The following SPATS2L variants were observed in gnomAD, a reference collection of about 807,000 sequenced individuals.
SPATS2L encodes spermatogenesis associated serine rich 2 like, also known as SPATS2-like protein.
SPATS2L carries 30 observed loss-of-function variants against 59.6 expected under a neutral mutation model. The observed-to-expected ratio is 0.50, with a 90% CI of 0.38 to 0.68. The LOEUF is 0.68. Among genes scored for constraint, SPATS2L ranks in the 30% least tolerant of loss-of-function variants. The pLI is 0.00. For missense variants in SPATS2L, 615 were observed against 700.0 expected (o/e 0.88, Z 1.37); for synonymous variants, 252 against 263.5 (o/e 0.96, Z 0.42).
In SPATS2L at chr2:200,338,233, C is replaced by T. The variant is rs975048426; in HGVS notation, c.-23+8753C>T. Among the ~76,000 whole-genome samples, 3 of 152,102 alleles carry T rather than the reference C, an allele frequency of 2.0e-5. No individual in the cohort carries two copies. The East Asian group carries it at 5.8e-4, about 29-fold the overall frequency. ...AGAAATGGGATTTCACCATGTTGCC[C>T]AGGCTGGTATTGAACTCGTGGGCTC... On this transcript the variant is annotated intron_variant, in intron 2 of 12. Transcript: ENST00000409140.
chr2:200,451,194 A>G (rs1017320872), intron 8 of SPATS2L, among the ~76,000 whole-genome samples: 4 of 151,786 alleles, frequency 2.6e-5, no homozygotes, highest in Non-Finnish European at 5.9e-5. Flanking sequence ...GGTGGTGTAG[A>G]TCTCCAGTCC....
At chr2:200,368,658 C>T (rs559134438) in intron 2 of SPATS2L, among the ~76,000 whole-genome samples, 7 of 152,144 alleles carry the variant, frequency 4.6e-5, no homozygotes, top group Non-Finnish European at 7.4e-5. Context: ...TTTGTGCTAA[C>T]TAAGGAGCAG....
chr2:200,312,862 A>G (rs1020477269), intron 1 of SPATS2L, among the ~76,000 whole-genome samples: 1 of 152,242 alleles, frequency 6.6e-6, no homozygotes, highest in Non-Finnish European at 1.5e-5. Flanking sequence ...GTTGCAAAGT[A>G]CTAGTTCATT....
chr2:200,330,113 G>C (rs1194792597), intron 2 of SPATS2L, among the ~76,000 whole-genome samples: 1 of 93,126 alleles, frequency 1.1e-5, no homozygotes, highest in Non-Finnish European at 2.5e-5. Context: ...TCTTCTTTAA[G>C]ATGGGGTAAT....
chr2:200,478,736 A>G lies in SPATS2L; in HGVS notation c.*705A>G, dbSNP rs2087705904. ...AAATAGATGGATATGCACCCTGATC[A>G]TCTTAGACACACCATGTGGCAGTTG... On this transcript the variant is annotated 3_prime_UTR_variant, in exon 13 of 13. Transcript: ENST00000409140. 1 of 152,342 alleles carries G rather than the reference A, an allele frequency of 6.6e-6. No homozygotes were observed. The highest frequency in any genetic ancestry group is 1.5e-5 in the Non-Finnish European group (1 of 68,038). 9.4% of individuals were successfully genotyped at this position (152,342 alleles called of 1,614,324 possible).
chr2:200,310,484 T>G (rs979276969), intron 1 of SPATS2L, among the ~76,000 whole-genome samples: 5 of 152,254 alleles, frequency 3.3e-5, no homozygotes, highest in Non-Finnish European at 7.3e-5. Flanking sequence ...GTCTACATCT[T>G]GGTCTCTCTG....
intron 8 of SPATS2L, among the ~76,000 whole-genome samples, chr2:200,457,352 A>G (rs2085918267): frequency 6.6e-6 from 1 of 152,180 alleles, no homozygotes; most frequent in Non-Finnish European, 1.5e-5. Flanking sequence ...GGCATTTCAT[A>G]CAATTACTGA....
chr2:200,419,064 TACTATAAG>T (rs2083196303), intron 5 of SPATS2L, among the ~76,000 whole-genome samples, 178 bp from the exon 6 acceptor site: 1 of 152,178 alleles, frequency 6.6e-6, no homozygotes, highest in Non-Finnish European at 1.5e-5. Context: ...TTATACAACT[TACTATAAG>T]AAAGAAGATA....
rs1398525990 is a variant in SPATS2L at position 200,472,815 on chromosome 2, G to A, written c.1061-17G>A. The A allele has an allele frequency of 6.2e-7, 1 of 1,610,884 alleles. No individual in the cohort carries two copies. Among genetic ancestry groups the A allele is most frequent in the South Asian group, 1.1e-5 (1 of 91,014 alleles). On this transcript the variant is annotated splice_polypyrimidine_tract_variant and intron_variant, in intron 11 of 12. Coordinates refer to ENST00000409140, the MANE Select transcript of SPATS2L (RefSeq NM_001100423.2). ...TTGGAGGTGCAGCTCGTAACACTGA[G>A]CACTTTATTATTGCAGTTACACATC...
intron 2 of SPATS2L, among the ~76,000 whole-genome samples, chr2:200,367,579 TGTGGTTTGTTTGC>T (rs2081303950): frequency 6.6e-6 from 1 of 152,240 alleles, no homozygotes; most frequent in Non-Finnish European, 1.5e-5. Context: ...AAATAAATTA[TGTGGTTTGTTTGC>T]GTGCAGCGTT....
intron 2 of SPATS2L, among the ~76,000 whole-genome samples, chr2:200,379,226 T>C (rs1459301077): frequency 6.6e-6 from 1 of 152,244 alleles, no homozygotes; most frequent in Non-Finnish European, 1.5e-5. Flanking sequence ...GAATCTTAGC[T>C]CAACCAGGTA....
At chr2:200,473,620 C>A (rs1213885124) in intron 12 of SPATS2L, among the ~76,000 whole-genome samples, 2 of 152,244 alleles carry the variant, frequency 1.3e-5, no homozygotes, top group Admixed American at 6.5e-5. Flanking sequence ...ACACAAGTGT[C>A]CAAAGAACCA....
intron 6 of SPATS2L, among the ~76,000 whole-genome samples, chr2:200,420,553 G>C (rs2083267601): frequency 6.6e-6 from 1 of 152,194 alleles, no homozygotes; most frequent in African/African-American, 2.4e-5. Flanking sequence ...GAATGCACCT[G>C]CTACAAATGC....
Position 200,307,098 on chromosome 2 carries a change from G to C in SPATS2L, c.-73+176G>C, listed in dbSNP as rs1409419370. Among the ~76,000 whole-genome samples, 21 of 150,846 alleles carry C rather than the reference G, an allele frequency of 1.4e-4. 1 individual carries two copies. The East Asian group carries it at 3.8e-3, about 27-fold the overall frequency. Reference sequence around the variant, plus strand: ...GGTGTGGCCCGCGCTCGGCGCCGAGGCGGGCTGGTGGCGCGGACCGGACGC... The same window carrying C: ...GGTGTGGCCCGCGCTCGGCGCCGAGCCGGGCTGGTGGCGCGGACCGGACGC... On this transcript the variant is annotated intron_variant, in intron 1 of 12. Coordinates refer to ENST00000409140, the MANE Select transcript of SPATS2L (RefSeq NM_001100423.2).
chr2:200,397,179 G>A (rs941530581), intron 3 of SPATS2L, among the ~76,000 whole-genome samples: 1 of 152,130 alleles, frequency 6.6e-6, no homozygotes, highest in Non-Finnish European at 1.5e-5. Flanking sequence ...GTCTTTCCTG[G>A]TAGCCCCTGT....
At chr2:200,416,465 C>G in intron 5 of SPATS2L, 37 bp downstream of exon 5, 1 of 1,177,044 alleles carries the variant, frequency 8.5e-7, no homozygotes. Flanking sequence ...GTAACATCTT[C>G]AATCAAAACC....
In SPATS2L at chr2:200,439,125, G is replaced by A. The variant is rs192861441; in HGVS notation, c.449G>A (p.Gly150Asp). The A allele has an allele frequency of 4.1e-3, 6,603 of 1,612,540 alleles. 14 individuals carry two copies. Among genetic ancestry groups the A allele is most frequent in the Non-Finnish European group, 5.1e-3 (5,983 of 1,178,742 alleles). Residue 150 changes from glycine to aspartate, a missense_variant, in exon 7 of 13, where the codon GGC becomes GAC. Around this residue, in one of 3 missense-constraint regions of SPATS2L, gnomAD observed 227 missense variants for 257.4 expected, o/e 0.88. Coordinates refer to ENST00000409140, the MANE Select transcript of SPATS2L (RefSeq NM_001100423.2). ...PSKALRGVTE[G>D]NRLLQQKLSL... Reference sequence around the variant, plus strand: ...ATTATTTGGTGTTTTCTTACAGAAGGCAACAGACTACTGCAACAGAAACTA... The same window carrying A: ...ATTATTTGGTGTTTTCTTACAGAAGACAACAGACTACTGCAACAGAAACTA...
At chr2:200,423,227 A>G (rs1468400351) in intron 6 of SPATS2L, among the ~76,000 whole-genome samples, 2 of 152,232 alleles carry the variant, frequency 1.3e-5, no homozygotes, top group Non-Finnish European at 2.9e-5. Context: ...TGGGAGGACT[A>G]TTGTAGTTAG....
At chr2:200,362,779 A>G (rs1474136100) in intron 2 of SPATS2L, among the ~76,000 whole-genome samples, 3 of 138,746 alleles carry the variant, frequency 2.2e-5, no homozygotes, top group Non-Finnish European at 3.2e-5. Flanking sequence ...TAAGCAAAGT[A>G]AAAAAATATC....
Sources: gnomAD v4.1 joint callset for allele counts (sites outside exome capture counted in the v4.1 genomes callset) on GRCh38, gnomAD v4.1.1 for gene constraint, gnomAD v4.1.1 regional missense constraint, MANE v1.5 for transcripts, NCBI Gene and HGNC (gene_info 2026-07-23, HGNC 2026-07-21) for gene names.